TMEM117: variants seen among roughly 807,000 people sequenced by gnomAD.
The protein encoded by TMEM117 is transmembrane protein 117.
TMEM117 carries 27 observed loss-of-function variants against 52.4 expected under a neutral mutation model. That is an observed-to-expected ratio of 0.51 (90% CI 0.38 to 0.71). The LOEUF (loss-of-function observed/expected upper bound fraction) is 0.71, where lower values mean the gene tolerates loss of function less well. Among genes scored for constraint, TMEM117 ranks in the 30% least tolerant of loss-of-function variants. The pLI, the probability that TMEM117 is intolerant of heterozygous loss-of-function variation, is 0.00. For synonymous variants in TMEM117, 215 were observed against 206.3 expected, an observed-to-expected ratio of 1.04 and a Z score of -0.36; for missense variants, 556 against 630.5, an observed-to-expected ratio of 0.88 and a Z score of 1.26.
chr12:43,859,264 G>C (rs114254276), intron 2 of TMEM117, among the ~76,000 whole-genome samples: 1 of 152,192 alleles, frequency 6.6e-6, no homozygotes, highest in Non-Finnish European at 1.5e-5. Flanking sequence ...AGTGGCAAGC[G>C]CAAAGTTGTG....
chr12:44,090,867 C>A, intron 3 of TMEM117, among the ~76,000 whole-genome samples: 1 of 74,008 alleles, frequency 1.4e-5, no homozygotes, highest in African/African-American at 1.0e-4. Flanking sequence ...TTTTTTTTTG[C>A]TGAGTGCAGG....
intron 5 of TMEM117, among the ~76,000 whole-genome samples, chr12:44,276,153 A>T (rs954881396): frequency 6.6e-6 from 1 of 152,170 alleles, no homozygotes; most frequent in Non-Finnish European, 1.5e-5. Flanking sequence ...TCCAAAGGAT[A>T]TGAAATGAGT....
the TMEM117 span, chr12:43,802,577 A>G: frequency 2.5e-6 from 2 of 800,464 alleles, no homozygotes; most frequent in Non-Finnish European, 2.0e-6. Context: ...TATTATTCAC[A>G]TCAAAAAGTT....
At chr12:44,039,175 G>T (rs186613910) in intron 3 of TMEM117, among the ~76,000 whole-genome samples, 1 of 152,134 alleles carries the variant, frequency 6.6e-6, no homozygotes, top group East Asian at 1.9e-4. Flanking sequence ...CTAAGTTTTT[G>T]TCTAACTGTT....
chr12:44,176,191 C>T (rs2138298206), intron 4 of TMEM117, among the ~76,000 whole-genome samples: 1 of 152,314 alleles, frequency 6.6e-6, no homozygotes, highest in Admixed American at 6.5e-5. Context: ...GTGCTTGCCT[C>T]ACTTAGGGTT....
chr12:44,202,553 T>C lies in TMEM117; in HGVS notation c.511-8737T>C, dbSNP rs547165458. Among the ~76,000 whole-genome samples the C allele has an allele frequency of 9.8e-5, 15 of 152,348 alleles. No individual in the cohort carries two copies. The East Asian group carries it at 2.9e-3, about 29-fold the overall frequency. ...CTGCTGGATTTGTTTGCTAGTATTT[T>C]GTTGAAGATGTTTGTGTGTATGTTC... On this transcript the variant is annotated intron_variant, in intron 4 of 7. Coordinates refer to ENST00000266534, the MANE Select transcript of TMEM117 (RefSeq NM_032256.3).
intron 2 of TMEM117, among the ~76,000 whole-genome samples, chr12:43,940,870 T>C (rs1945034290): frequency 6.6e-6 from 1 of 152,182 alleles, no homozygotes; most frequent in Non-Finnish European, 1.5e-5. Flanking sequence ...AAATATGCTT[T>C]TATATCATTA....
intron 5 of TMEM117, among the ~76,000 whole-genome samples, chr12:44,285,519 C>T (rs1029645270): frequency 2.0e-5 from 3 of 152,174 alleles, no homozygotes; most frequent in African/African-American, 4.8e-5. Context: ...TTCACTAGGT[C>T]ACTTGGCAAA....
chr12:43,908,529 C>T lies in TMEM117; in HGVS notation c.278-35681C>T, dbSNP rs1004728147. Among the ~76,000 whole-genome samples, 102 of 149,906 alleles carry T rather than the reference C, an allele frequency of 6.8e-4. 1 individual carries two copies. Among genetic ancestry groups the T allele is most frequent in the African/African-American group, 2.4e-3 (100 of 40,860 alleles). The stretch of plus-strand genomic sequence containing the variant: ...TTTAAAATGTAAATGGCTAAATGCT[C>T]CAATTAAAAGACACAGACTGGCAAA... On this transcript the variant is annotated intron_variant, in intron 2 of 7. Transcript: ENST00000266534.
At chr12:44,177,835 A>G (rs769086204) in intron 4 of TMEM117, among the ~76,000 whole-genome samples, 2 of 152,178 alleles carry the variant, frequency 1.3e-5, no homozygotes, top group African/African-American at 2.4e-5. Context: ...TGGAAATCTC[A>G]TTACCTCACA....
intron 2 of TMEM117, among the ~76,000 whole-genome samples, chr12:43,848,595 A>G (rs1266906951): frequency 6.6e-6 from 1 of 152,018 alleles, no homozygotes; most frequent in Non-Finnish European, 1.5e-5. Flanking sequence ...CATAAAAATC[A>G]CTATTATTCT....
At chr12:43,876,334 A>G (rs1406068851) in intron 2 of TMEM117, among the ~76,000 whole-genome samples, 2 of 152,290 alleles carry the variant, frequency 1.3e-5, no homozygotes, top group South Asian at 2.1e-4. Flanking sequence ...GCGGGGCCCA[A>G]CCAGACTGTG....
intron 6 of TMEM117, among the ~76,000 whole-genome samples, chr12:44,314,565 TTC>T (rs199835167): frequency 7.1e-6 from 1 of 141,310 alleles, no homozygotes; most frequent in African/African-American, 3.0e-5. Context: ...TAGTTTCTTC[TTC>T]TTTTTTTTTT....
intron 5 of TMEM117, among the ~76,000 whole-genome samples, chr12:44,254,877 C>T (rs2138522633): frequency 6.6e-6 from 1 of 151,374 alleles, no homozygotes; most frequent in South Asian, 2.1e-4. Context: ...TCTCATTGTT[C>T]AATTCCCACC....
chr12:44,152,535 T>G (rs1334867611), intron 4 of TMEM117, among the ~76,000 whole-genome samples: 2 of 119,418 alleles, frequency 1.7e-5, no homozygotes, highest in African/African-American at 6.9e-5. Flanking sequence ...TATATTTATA[T>G]CATATAAATT....
At chr12:44,189,722 T>C (rs945466339) in intron 4 of TMEM117, among the ~76,000 whole-genome samples, 7 of 152,336 alleles carry the variant, frequency 4.6e-5, no homozygotes, top group African/African-American at 1.7e-4. Context: ...TTGCCATTCC[T>C]CAGTACTTAA....
At chr12:44,133,960 C>T (rs1948452400) in intron 3 of TMEM117, among the ~76,000 whole-genome samples, 2 of 152,086 alleles carry the variant, frequency 1.3e-5, no homozygotes, top group African/African-American at 4.8e-5. Flanking sequence ...TGTAAGAGAC[C>T]TATAAAATAC....
chr12:44,161,273 C>T (rs1379357602), intron 4 of TMEM117, among the ~76,000 whole-genome samples: 1 of 152,078 alleles, frequency 6.6e-6, no homozygotes, highest in Non-Finnish European at 1.5e-5. Context: ...TAAAGATAAC[C>T]TATCATATTA....
chr12:44,019,040 G>A (rs759529079), intron 3 of TMEM117, among the ~76,000 whole-genome samples: 6 of 152,114 alleles, frequency 3.9e-5, no homozygotes, highest in Non-Finnish European at 8.8e-5. Context: ...AACCCTAAGT[G>A]GACTTCACCT....
Sources: allele counts gnomAD v4.1 joint callset (sites outside exome capture counted in the v4.1 genomes callset), GRCh38; gene constraint gnomAD v4.1.1; transcripts MANE v1.5; gene names NCBI Gene and HGNC (gene_info 2026-07-23, HGNC 2026-07-21).